Variants in BLMH observed in about 807,000 individuals in gnomAD.
BLMH encodes the protein bleomycin hydrolase, also known as BLM hydrolase.
Under a neutral mutation model 61.6 loss-of-function variants are expected in BLMH, and 32 were observed. That is an observed-to-expected ratio of 0.52 (90% confidence interval 0.39 to 0.70). The LOEUF is 0.70. BLMH is among the 30% of genes least tolerant of loss of function. BLMH has a pLI of 0.00. For missense variants in BLMH, 460 were observed against 555.5 expected, an observed-to-expected ratio of 0.83 and a Z score of 1.73; for synonymous variants, 183 against 193.8, an observed-to-expected ratio of 0.94 and a Z score of 0.46.
intron 11 of BLMH, 135 bp downstream of exon 11, chr17:30,266,750 G>A: frequency 1.3e-6 from 1 of 797,690 alleles, no homozygotes; most frequent in Non-Finnish European, 2.0e-6. Context: ...CAGATCCTCA[G>A]ATTTTTCTGT....
At chr17:30,268,795 G>A (rs1567834550) in intron 10 of BLMH, among the ~76,000 whole-genome samples, 1 of 151,494 alleles carries the variant, frequency 6.6e-6, no homozygotes, top group African/African-American at 2.4e-5. Flanking sequence ...CCAGCACTTT[G>A]GGAGGCCGAA....
At position 30,248,589 on chromosome 17, in the gene BLMH, G is replaced by A. The variant is rs533032846; in HGVS notation, c.*428C>T. 3.1e-4 allele frequency: 50 copies of A among 162,758 alleles called. No homozygotes were observed. The highest frequency in any genetic ancestry group is 6.2e-4 in the African/African-American group (26 of 41,692). The allele number at this position is 162,758 out of a possible 1,614,324, so 10.1% of individuals were successfully genotyped here. A position where few individuals can be genotyped will look rare whatever the true frequency, so the allele number is the denominator to read the frequency against. On this transcript the variant is annotated 3_prime_UTR_variant, in exon 12 of 12. Coordinates refer to ENST00000261714, the MANE Select transcript of BLMH (RefSeq NM_000386.4). ...ATACTGTCCAGCAGCATGCAGTTCCGAGAGCTCAACTCTTAGGCCACCCTC... is the reference window on the plus strand; with the variant it reads ...ATACTGTCCAGCAGCATGCAGTTCCAAGAGCTCAACTCTTAGGCCACCCTC...
At chr17:30,252,790 G>A (rs1289126704) in intron 11 of BLMH, among the ~76,000 whole-genome samples, 2 of 152,046 alleles carry the variant, frequency 1.3e-5, no homozygotes, top group Admixed American at 6.6e-5. Context: ...GACGAGAGAC[G>A]GAAGGACAGT....
chr17:30,260,743 C>T (rs146534500), intron 11 of BLMH, among the ~76,000 whole-genome samples: 2,173 of 152,118 alleles, frequency 0.014, 78 homozygotes, highest in Admixed American at 0.086. Context: ...ATTAGCTGGG[C>T]ATGGTGGCAG....
chr17:30,263,083 C>G (rs1019739478), intron 11 of BLMH, among the ~76,000 whole-genome samples: 1 of 152,198 alleles, frequency 6.6e-6, no homozygotes, highest in African/African-American at 2.4e-5. Context: ...TCTTTCTGGT[C>G]ACCAATGACC....
At chr17:30,279,878 A>G (rs1317277891) in intron 6 of BLMH, among the ~76,000 whole-genome samples, 1 of 152,238 alleles carries the variant, frequency 6.6e-6, no homozygotes, top group African/African-American at 2.4e-5. Context: ...TAGCATGGTA[A>G]AAGAAACAGA....
At chr17:30,250,844 A>G (rs1907650301) in intron 11 of BLMH, among the ~76,000 whole-genome samples, 1 of 152,238 alleles carries the variant, frequency 6.6e-6, no homozygotes, top group African/African-American at 2.4e-5. Context: ...AGTGCCCATC[A>G]ACCAACGAGT....
At chr17:30,271,615 T>A (rs1259698442) in intron 9 of BLMH, 5 of 379,314 alleles carry the variant, frequency 1.3e-5, no homozygotes, top group African/African-American at 8.1e-5. Context: ...AAGGAGATGA[T>A]TAAACATAAA....
intron 5 of BLMH, 199 bp from the exon 6 acceptor site, chr17:30,285,679 T>A (rs1908707931): frequency 2.3e-6 from 1 of 438,992 alleles, no homozygotes; most frequent in Non-Finnish European, 4.0e-6. Context: ...AGAAAAGGCA[T>A]AAGTTACTCC....
chr17:30,281,908 C>T (rs113469539), intron 6 of BLMH, among the ~76,000 whole-genome samples: 1,802 of 152,326 alleles, frequency 0.012, 38 homozygotes, highest in African/African-American at 0.041. Flanking sequence ...TCCAGGGAAA[C>T]TGACTTTGTG....
intron 11 of BLMH, among the ~76,000 whole-genome samples, chr17:30,255,669 C>T (rs968792020): frequency 4.6e-5 from 7 of 152,106 alleles, no homozygotes; most frequent in East Asian, 1.9e-4. Flanking sequence ...GAGGCCGAGG[C>T]GGGCAGATCA....
chr17:30,257,189 T>C (rs1004776522), intron 11 of BLMH, among the ~76,000 whole-genome samples: 1 of 152,232 alleles, frequency 6.6e-6, no homozygotes, highest in Non-Finnish European at 1.5e-5. Context: ...GCACTGTACA[T>C]ATATATAGTA....
intron 1 of BLMH, 126 bp downstream of exon 1, chr17:30,291,681 C>T (rs1393616917): frequency 7.2e-6 from 10 of 1,379,436 alleles, no homozygotes; most frequent in Non-Finnish European, 9.5e-6. Context: ...GCCGATCCAG[C>T]CTGCCCCGAA....
Position 30,272,764 on chromosome 17 carries a change from C to G in BLMH, c.937G>C (p.Ala313Pro). 6.2e-7 allele frequency: 1 copy of G among 1,614,204 alleles called. No homozygotes were observed. Among genetic ancestry groups the G allele is most frequent in the Non-Finnish European group, 8.5e-7 (1 of 1,180,030 alleles). ...QPIDFLKKMVAASIKDGEAVW... is the reference protein window; with the variant it reads ...QPIDFLKKMVPASIKDGEAVW... ...ACCTCTCCATCTTTGATGGAGGCAG[C>G]AACCATCTTTTTCAGGAAGTCAATG... is the stretch of plus-strand genomic sequence containing the variant. Residue 313 changes from alanine (A) to proline (P), a missense_variant, in exon 8 of 12, where the codon GCT (alanine) becomes CCT (proline). Transcript: ENST00000261714.
intron 11 of BLMH, among the ~76,000 whole-genome samples, chr17:30,253,813 A>G (rs1907739497): frequency 6.6e-6 from 1 of 152,258 alleles, no homozygotes; most frequent in Admixed American, 6.5e-5. Flanking sequence ...TGTCTTGTTT[A>G]CATGCGATGA....
At chr17:30,280,762 G>A (rs1257375576) in intron 6 of BLMH, among the ~76,000 whole-genome samples, 2 of 152,096 alleles carry the variant, frequency 1.3e-5, no homozygotes, top group Admixed American at 6.6e-5. Context: ...ATAGACATTA[G>A]CCACCATGCA....
intron 11 of BLMH, 59 bp from the exon 12 acceptor site, chr17:30,249,227 C>A: frequency 1.3e-6 from 2 of 1,560,344 alleles, no homozygotes; most frequent in Non-Finnish European, 1.8e-6. Flanking sequence ...GAGCAGAAAC[C>A]CTTTTTGTAG....
chr17:30,286,928 A>G (rs369596102), intron 4 of BLMH, 26 bp from the exon 5 acceptor site: 5 of 1,446,932 alleles, frequency 3.5e-6, no homozygotes, highest in Admixed American at 2.0e-5. Context: ...TTCTAGTGTT[A>G]AAGAAGGTAA....
chr17:30,266,938 G>C lies in BLMH; in HGVS notation c.1163C>G (p.Ala388Gly), dbSNP rs1246690209. Residue 388 changes from alanine to glycine, a missense_variant, in exon 11 of 12, where the codon GCT (alanine) becomes GGT (glycine). Around this residue, in one of 5 missense-constraint regions of BLMH, gnomAD observed 310 missense variants for 371.1 expected, o/e 0.84. Coordinates refer to ENST00000261714, the MANE Select transcript of BLMH (RefSeq NM_000386.4). ...AVSEKDDQDG[A>G]FTKWRVENSW... ...ATTCTCCACTCTCCATTTTGTGAAA[G>C]CACCATCCTGATCATCCTGCAAAAA... 6.2e-7 allele frequency: 1 copy of C among 1,614,090 alleles called. No homozygotes were observed. The highest frequency in any genetic ancestry group is 8.5e-7 in the Non-Finnish European group (1 of 1,179,958).
Sources: gnomAD v4.1 joint callset for allele counts (sites outside exome capture counted in the v4.1 genomes callset) on GRCh38, gnomAD v4.1.1 for gene constraint, gnomAD v4.1.1 regional missense constraint, MANE v1.5 for transcripts, NCBI Gene and HGNC (gene_info 2026-07-23, HGNC 2026-07-21) for gene names.